The following PPP2R3B variants were observed in gnomAD, a reference collection of about 807,000 sequenced individuals.
PPP2R3B encodes the protein protein phosphatase 2 regulatory subunit B''beta.
Under a neutral mutation model 72.9 loss-of-function variants are expected in PPP2R3B, and 68 were observed. The ratio of observed to expected loss-of-function variants is 0.93; its 90% CI spans 0.77 to 1.14. The LOEUF (loss-of-function observed/expected upper bound fraction) is 1.14. Ranked by LOEUF, PPP2R3B falls within the 50% of genes most tolerant of loss-of-function variation. PPP2R3B has a pLI of 0.00. For missense variants in PPP2R3B, 1,018 were observed against 842.0 expected (o/e 1.21, Z -2.59); for synonymous variants, 466 against 375.8 (o/e 1.24, Z -2.78).
chrX:358,987 C>T (rs2071491230), intron 2 of PPP2R3B, among the ~76,000 whole-genome samples: 1 of 146,998 alleles, frequency 6.8e-6, no homozygotes, highest in African/African-American at 2.5e-5. Flanking sequence ...AGCACCGCGG[C>T]CGGGGAGGGG....
At chrX:367,113 G>T (rs1025566168) in intron 1 of PPP2R3B, among the ~76,000 whole-genome samples, 1 of 152,128 alleles carries the variant, frequency 6.6e-6, no homozygotes, top group Non-Finnish European at 1.5e-5. Flanking sequence ...ACTCTACGGG[G>T]CAAAAGCTGA....
intron 1 of PPP2R3B, among the ~76,000 whole-genome samples, chrX:381,556 C>T (rs181732640): frequency 9.9e-4 from 148 of 149,620 alleles, no homozygotes; most frequent in Non-Finnish European, 1.7e-3. Flanking sequence ...CGTGGCCTCG[C>T]GTATTCTGTA....
intron 1 of PPP2R3B, among the ~76,000 whole-genome samples, chrX:362,054 G>A (rs2071553001): frequency 6.6e-6 from 1 of 152,166 alleles, no homozygotes; most frequent in Non-Finnish European, 1.5e-5. Flanking sequence ...CCCTGTCCCT[G>A]GAGCCCGGAA....
chrX:357,495 A>G (rs933953109), intron 2 of PPP2R3B, among the ~76,000 whole-genome samples: 1 of 152,224 alleles, frequency 6.6e-6, no homozygotes, highest in African/African-American at 2.4e-5. Flanking sequence ...ACTGAAAGAG[A>G]TATACGTTAG....
intron 1 of PPP2R3B, among the ~76,000 whole-genome samples, chrX:362,767 C>T (rs1303698589): frequency 6.6e-6 from 1 of 152,112 alleles, no homozygotes; most frequent in Admixed American, 6.5e-5. Flanking sequence ...CCAGTGTCCA[C>T]ACAGAGAAAA....
At chrX:363,277 C>CGTGCCCACGATCCCACAATGCATCTCCCT in intron 1 of PPP2R3B, among the ~76,000 whole-genome samples, 1 of 149,230 alleles carries the variant, frequency 6.7e-6, no homozygotes, top group Non-Finnish European at 1.5e-5. Context: ...TGCATCTCCC[C>CGTGCCCACGATCCCACAATGCATCTCCCT]GAGCCCACGA....
At chrX:345,288 GC>G (rs1569384705) in intron 7 of PPP2R3B, 1 of 712,644 alleles carries the variant, frequency 1.4e-6, no homozygotes. Context: ...CCCTGTAGAC[GC>G]CCCCAGGCAG....
chrX:338,909 G>C lies in PPP2R3B; in HGVS notation c.1352-13C>G. ...AGCGTGATCTTCCCTGCGGGGAGGGGAGTGCGTCCAAGGCGCGTGAGCCCG... is the reference window on the plus strand; with the variant it reads ...AGCGTGATCTTCCCTGCGGGGAGGGCAGTGCGTCCAAGGCGCGTGAGCCCG... On this transcript the variant is annotated splice_polypyrimidine_tract_variant and intron_variant, in intron 10 of 12. Coordinates refer to ENST00000390665, the MANE Select transcript of PPP2R3B (RefSeq NM_013239.5). 1 of 1,609,128 alleles carries C rather than the reference G, an allele frequency of 6.2e-7. No individual in the cohort carries two copies.
Position 340,251 on chromosome X carries a change from C to T in PPP2R3B, c.1351+514G>A, listed in dbSNP as rs1363257788. On this transcript the variant is annotated intron_variant, in intron 10 of 12. Coordinates refer to ENST00000390665, the MANE Select transcript of PPP2R3B (RefSeq NM_013239.5). ...CCGCCTTGTGCGGCATCAGCACGAA[C>T]GTGGCAACTGCTCCCTCAGCCCAGT... 2.2e-5 allele frequency among the ~76,000 whole-genome samples: 3 copies of T among 135,338 alleles called. No homozygotes were observed. The East Asian group carries it at 6.8e-4, about 31-fold the overall frequency. The allele number at this position is 135,338 out of a possible 152,430, so 88.8% of individuals were successfully genotyped here. A position where few individuals can be genotyped will look rare whatever the true frequency, so the allele number is the denominator to read the frequency against.
intron 2 of PPP2R3B, among the ~76,000 whole-genome samples, chrX:350,580 G>A (rs2071309271): frequency 1.3e-5 from 2 of 152,218 alleles, no homozygotes; most frequent in Non-Finnish European, 2.9e-5. Flanking sequence ...GGGGTGCACG[G>A]TGGCCGTAGA....
At chrX:362,703 C>A (rs1308848388) in intron 1 of PPP2R3B, among the ~76,000 whole-genome samples, 1 of 152,074 alleles carries the variant, frequency 6.6e-6, no homozygotes, top group Non-Finnish European at 1.5e-5. Flanking sequence ...CAGCTCAGGG[C>A]CTTTGCACCC....
intron 8 of PPP2R3B, 161 bp downstream of exon 8, chrX:341,722 A>G (rs1465814857): frequency 2.5e-6 from 2 of 808,964 alleles, no homozygotes; most frequent in Non-Finnish European, 4.2e-6. Flanking sequence ...CCCCCCCACT[A>G]GGGATTCACG....
At chrX:341,085 C>G in intron 9 of PPP2R3B, 145 bp from the exon 10 acceptor site, 2 of 1,267,172 alleles carry the variant, frequency 1.6e-6, no homozygotes, top group South Asian at 1.4e-5. Flanking sequence ...CCCCTGCCCC[C>G]TGCCGCCCCC....
rs755181505 is a variant in PPP2R3B, at chrX:386,682, C to A, written c.10G>T (p.Gly4Cys). 1.5e-6 allele frequency: 2 copies of A among 1,311,394 alleles called. No homozygotes were observed. Among genetic ancestry groups the A allele is most frequent in the East Asian group, 3.2e-5 (1 of 31,300 alleles). The allele number at this position is 1,311,394 out of a possible 1,614,324, so 81.2% of individuals were successfully genotyped here. ...TTCAGGACCGGCTGCAGCACTTTGC[C>A]GGGCGGCATGGCGGGGGCTGGGCCC... MPP[G>C]KVLQPVLKMK... The change falls in exon 1 of 13, where the codon GGC (glycine) becomes TGC (cysteine). Residue 4 changes from glycine to cysteine, a missense_variant. By Grantham distance (159) the Gly-to-Cys change is radical (BLOSUM62 -3). Coordinates refer to ENST00000390665, the MANE Select transcript of PPP2R3B (RefSeq NM_013239.5).
Position 361,511 on chromosome X carries a change from G to A in PPP2R3B, c.404C>T (p.Pro135Leu), listed in dbSNP as rs767595543. The change falls in exon 2 of 13, where the codon CCG becomes CTG. Residue 135 changes from proline to leucine, a missense_variant. Coordinates refer to ENST00000390665, the MANE Select transcript of PPP2R3B (RefSeq NM_013239.5). ...GGCATCCACGTTGACGGAGTCCTGC[G>A]GGCGTCCTCTGGGGAAGTAGAAGGT... ...IPTFYFPRGR[P>L]QDSVNVDAVI... 48 of 1,614,014 alleles carry A rather than the reference G, an allele frequency of 3.0e-5. No individual in the cohort carries two copies. The highest frequency in any genetic ancestry group is 6.7e-5 in the African/African-American group (5 of 75,066).
intron 5 of PPP2R3B, 197 bp from the exon 6 acceptor site, chrX:346,457 G>C: frequency 3.2e-6 from 2 of 634,542 alleles, no homozygotes; most frequent in Non-Finnish European, 5.3e-6. Flanking sequence ...GTCTGGCCGG[G>C]GACGCCCCGG....
At chrX:344,999 G>C (rs1302124645) in intron 7 of PPP2R3B, 1 of 359,828 alleles carries the variant, frequency 2.8e-6, no homozygotes. Flanking sequence ...TTGAGTTCCT[G>C]CAAGTGTGGA....
chrX:374,986 G>A (rs983652941), intron 1 of PPP2R3B, among the ~76,000 whole-genome samples: 2 of 152,162 alleles, frequency 1.3e-5, no homozygotes, highest in African/African-American at 4.8e-5. Flanking sequence ...GGAACCAGAA[G>A]TCTGCAGCCA....
intron 12 of PPP2R3B, chrX:335,724 C>G (rs1157275939): frequency 6.6e-6 from 1 of 152,188 alleles, no homozygotes; most frequent in East Asian, 1.9e-4. Context: ...CCTCGTCGGC[C>G]CCTCGCCTCA....
Sources: allele counts gnomAD v4.1 joint callset (sites outside exome capture counted in the v4.1 genomes callset), GRCh38; gene constraint gnomAD v4.1.1; transcripts MANE v1.5; gene names NCBI Gene and HGNC (gene_info 2026-07-23, HGNC 2026-07-21).